Variants in TMEM260 observed in about 807,000 individuals in gnomAD.
TMEM260 encodes transmembrane protein 260, also known as protein O-mannosyl-transferase TMEM260.
Under a neutral mutation model 88.9 loss-of-function variants are expected in TMEM260, and 82 were observed. That is an observed-to-expected ratio of 0.92 (90% CI 0.77 to 1.11). TMEM260 has a LOEUF of 1.11. Among genes scored for constraint, TMEM260 ranks in the 50% least tolerant of loss-of-function variants. The probability of loss-of-function intolerance (pLI) is 0.00; values close to 1 mark genes in which losing one functional copy is unlikely to be tolerated. For synonymous variants in TMEM260, 314 were observed against 309.3 expected, an observed-to-expected ratio of 1.02 and a Z score of -0.16; for missense variants, 902 against 853.4, an observed-to-expected ratio of 1.06 and a Z score of -0.71.
At chr14:56,610,407 A>AT (rs930027349) in intron 6 of TMEM260, among the ~76,000 whole-genome samples, 5 of 151,464 alleles carry the variant, frequency 3.3e-5, no homozygotes, top group South Asian at 2.1e-4. Context: ...CACCTGGCTA[A>AT]TTTTTTTTGT....
intron 8 of TMEM260, 134 bp from the exon 9 acceptor site, chr14:56,617,049 A>G (rs935913143): frequency 2.0e-6 from 1 of 491,298 alleles, no homozygotes; most frequent in Non-Finnish European, 3.4e-6. Context: ...TCAGATTTTA[A>G]AAACCGAAAT....
Position 56,580,026 on chromosome 14 carries a change from G to T in TMEM260, c.112G>T (p.Ala38Ser). ...GGVAVFAAVA[A>S]VFTFTLPPSV... ...CGTGGCGGTGTTCGCCGCCGTGGCC[G>T]CAGTGTTCACCTTCACCCTGCCCCC... Residue 38 changes from alanine to serine, a missense_variant, in exon 1 of 16, where the codon GCA becomes TCA. Transcript: ENST00000261556. The T allele has an allele frequency of 1.6e-6, 2 of 1,249,920 alleles. No individual in the cohort carries two copies. Among genetic ancestry groups the T allele is most frequent in the African/African-American group, 1.5e-5 (1 of 64,720 alleles). 77.4% of individuals were successfully genotyped at this position (1,249,920 alleles called of 1,614,324 possible). A position where few individuals can be genotyped will look rare whatever the true frequency, so the allele number is the denominator to read the frequency against.
chr14:56,659,239 GGGTTTTTGTTTTTT>G, the TMEM260 span, among the ~76,000 whole-genome samples: 4 of 149,708 alleles, frequency 2.7e-5, no homozygotes, highest in Non-Finnish European at 5.9e-5. Flanking sequence ...GAATAAAAGA[GGGTTTTTGTTTTTT>G]GGTTTTTGTT....
At chr14:56,639,892 C>T (rs1889438572) in intron 15 of TMEM260, among the ~76,000 whole-genome samples, 1 of 152,192 alleles carries the variant, frequency 6.6e-6, no homozygotes, top group Non-Finnish European at 1.5e-5. Flanking sequence ...ATTGCTAGCA[C>T]AGCAGTCTGA....
intron 1 of TMEM260, among the ~76,000 whole-genome samples, chr14:56,580,939 A>G (rs534143361): frequency 1.7e-4 from 26 of 152,308 alleles, no homozygotes; most frequent in African/African-American, 6.0e-4. Flanking sequence ...TTAAACAGCA[A>G]ACGTTTATCG....
chr14:56,640,689 C>T (rs141116787), intron 15 of TMEM260, among the ~76,000 whole-genome samples: 2,492 of 152,238 alleles, frequency 0.016, 60 homozygotes, highest in African/African-American at 0.056. Context: ...GAAGATCAAA[C>T]TACTCCAAGC....
intron 6 of TMEM260, among the ~76,000 whole-genome samples, chr14:56,611,274 ATTAC>A (rs1389072723): frequency 2.6e-5 from 4 of 152,072 alleles, no homozygotes; most frequent in Non-Finnish European, 4.4e-5. Flanking sequence ...CCTGCCAATT[ATTAC>A]TTCTAAAATT....
At chr14:56,611,942 A>G (rs1449391980) in intron 6 of TMEM260, among the ~76,000 whole-genome samples, 3 of 152,214 alleles carry the variant, frequency 2.0e-5, no homozygotes, top group Non-Finnish European at 4.4e-5. Context: ...TATAAGTGGG[A>G]GCTAAACATT....
chr14:56,604,853 A>G (rs1187490276), intron 4 of TMEM260, among the ~76,000 whole-genome samples: 2 of 152,190 alleles, frequency 1.3e-5, no homozygotes, highest in Non-Finnish European at 2.9e-5. Flanking sequence ...TGTATGGAAA[A>G]TTACTGAGAG....
At chr14:56,595,219 T>A (rs1325716414) in intron 3 of TMEM260, among the ~76,000 whole-genome samples, 1 of 152,222 alleles carries the variant, frequency 6.6e-6, no homozygotes, top group Admixed American at 6.5e-5. Flanking sequence ...TTTGTAGTTA[T>A]GATTTTTGTA....
chr14:56,645,585 T>G (rs1889912135), intron 15 of TMEM260, among the ~76,000 whole-genome samples: 2 of 152,128 alleles, frequency 1.3e-5, no homozygotes. Flanking sequence ...ATGGCACATG[T>G]ATACATATGT....
intron 4 of TMEM260, among the ~76,000 whole-genome samples, chr14:56,604,517 A>C (rs1886772672): frequency 6.6e-6 from 1 of 152,228 alleles, no homozygotes; most frequent in African/African-American, 2.4e-5. Context: ...CTATCTTCTA[A>C]GAACTTAGAG....
chr14:56,640,222 T>G (rs1286174650), intron 15 of TMEM260, among the ~76,000 whole-genome samples: 1 of 151,926 alleles, frequency 6.6e-6, no homozygotes, highest in African/African-American at 2.4e-5. Context: ...GACCCCCGAG[T>G]AGCCTAAATG....
intron 14 of TMEM260, 66 bp downstream of exon 14, chr14:56,635,018 CTT>C: frequency 6.9e-7 from 1 of 1,443,302 alleles, no homozygotes; most frequent in South Asian, 1.2e-5. Context: ...GCTTATGGCA[CTT>C]TTAATTTTGA....
chr14:56,600,073 A>C lies in TMEM260; in HGVS notation c.345-3742A>C, dbSNP rs550739115. On this transcript the variant is annotated intron_variant, in intron 3 of 15. Coordinates refer to ENST00000261556, the MANE Select transcript of TMEM260 (RefSeq NM_017799.4). Reference sequence around the variant, plus strand: ...ATAAACTTTTAAAGGCAGTGTGTTGAAATATGTGCATTTTAAGGAGCATTC... The same window carrying C: ...ATAAACTTTTAAAGGCAGTGTGTTGCAATATGTGCATTTTAAGGAGCATTC... 2.6e-5 allele frequency among the ~76,000 whole-genome samples: 4 copies of C among 152,348 alleles called. No homozygotes were observed. In the East Asian group the frequency reaches 7.7e-4, roughly 29 times the overall value.
At position 56,625,267 on chromosome 14, in the gene TMEM260, A is replaced by G. The variant is rs1888174446; in HGVS notation, c.1399-115A>G. ...TCAGTTGTGCTTATATTTTTCAATT[A>G]TATATATATTAGGTTGGTGCAAAAG... On this transcript the variant is annotated intron_variant, in intron 11 of 15. Coordinates refer to ENST00000261556, the MANE Select transcript of TMEM260 (RefSeq NM_017799.4). 4.3e-6 allele frequency: 4 copies of G among 931,966 alleles called. No homozygotes were observed. In the Admixed American group the frequency reaches 8.1e-5, roughly 19 times the overall value. The allele number at this position is 931,966 out of a possible 1,614,324, so 57.7% of individuals were successfully genotyped here. A position where few individuals can be genotyped will look rare whatever the true frequency, so the allele number is the denominator to read the frequency against.
intron 3 of TMEM260, among the ~76,000 whole-genome samples, chr14:56,597,514 G>C (rs1348942870): frequency 2.0e-5 from 3 of 152,168 alleles, no homozygotes; most frequent in Non-Finnish European, 2.9e-5. Flanking sequence ...GATGTGTTAC[G>C]TTAAAAGACC....
chr14:56,658,531 C>T, the TMEM260 span, among the ~76,000 whole-genome samples: 3 of 152,060 alleles, frequency 2.0e-5, no homozygotes, highest in Middle Eastern at 3.4e-3. Context: ...CCACCGCACC[C>T]GGCCTTAATT....
At chr14:56,624,389 C>T (rs1888110649) in intron 11 of TMEM260, among the ~76,000 whole-genome samples, 1 of 152,182 alleles carries the variant, frequency 6.6e-6, no homozygotes, top group African/African-American at 2.4e-5. Flanking sequence ...GCCTGGCCAA[C>T]ATGGTGAAAC....
Sources: gnomAD v4.1 joint callset for allele counts (sites outside exome capture counted in the v4.1 genomes callset) on GRCh38, gnomAD v4.1.1 for gene constraint, MANE v1.5 for transcripts, NCBI Gene and HGNC (gene_info 2026-07-23, HGNC 2026-07-21) for gene names.